Variants in SCP2 observed in about 807,000 individuals in gnomAD.
The protein encoded by SCP2 is sterol carrier protein 2.
A neutral mutation model predicts 71.4 loss-of-function variants in SCP2; 48 were observed. That is an observed-to-expected ratio of 0.67 (90% CI 0.53 to 0.86). The LOEUF (loss-of-function observed/expected upper bound fraction) is 0.86, where lower values mean the gene tolerates loss of function less well. Ranked by LOEUF, SCP2 falls within the 40% of genes least tolerant of loss-of-function variation. The pLI is 0.00. For missense variants in SCP2, 560 were observed against 655.6 expected (o/e 0.85, Z 1.59); for synonymous variants, 220 against 218.1 (o/e 1.01, Z -0.08).
At chr1:52,993,754 G>C (rs1031515896) in intron 11 of SCP2, 1 of 1,597,906 alleles carries the variant, frequency 6.3e-7, no homozygotes, top group African/African-American at 1.3e-5. Flanking sequence ...ACTCCTGCAT[G>C]CCTCCTCAAT....
chr1:53,012,037 G>C (rs1428006911), intron 11 of SCP2, among the ~76,000 whole-genome samples: 2 of 152,052 alleles, frequency 1.3e-5, no homozygotes, highest in Admixed American at 1.3e-4. Context: ...CTTCCTCAAG[G>C]CAGATCATGA....
At chr1:52,945,732 T>C (rs1654720926) in intron 2 of SCP2, among the ~76,000 whole-genome samples, 1 of 151,846 alleles carries the variant, frequency 6.6e-6, no homozygotes, top group African/African-American at 2.4e-5. Flanking sequence ...AAAGAATGTT[T>C]AAGTTGTGCA....
At chr1:53,029,286 CAG>C (rs1452577438) in intron 13 of SCP2, among the ~76,000 whole-genome samples, 5 of 137,316 alleles carry the variant, frequency 3.6e-5, no homozygotes, top group African/African-American at 1.4e-4. Context: ...TTTTTTGAAA[CAG>C]AGTCTCACTT....
chr1:53,037,902 A>ACACACACACACACC (rs969906190), intron 13 of SCP2, among the ~76,000 whole-genome samples: 2 of 108,422 alleles, frequency 1.8e-5, no homozygotes, highest in African/African-American at 9.3e-5. Flanking sequence ...ACACACACAC[A>ACACACACACACACC]CACACACACA....
At chr1:52,946,711 T>C (rs1017924517) in intron 2 of SCP2, among the ~76,000 whole-genome samples, 3 of 151,450 alleles carry the variant, frequency 2.0e-5, no homozygotes, top group Admixed American at 1.3e-4. Context: ...TTGATTATTA[T>C]AATTAGTATC....
intron 5 of SCP2, among the ~76,000 whole-genome samples, chr1:52,960,496 G>A (rs1287370946): frequency 7.5e-6 from 1 of 132,766 alleles, no homozygotes; most frequent in Admixed American, 7.3e-5. Flanking sequence ...GTGTGTGTGT[G>A]TGTGTGTGTG....
chr1:52,975,885 G>A (rs146433665), intron 7 of SCP2, among the ~76,000 whole-genome samples: 368 of 152,206 alleles, frequency 2.4e-3, no homozygotes, highest in Non-Finnish European at 4.2e-3. Flanking sequence ...CTGCTCATAC[G>A]TCAGACATTA....
rs140627726 is a variant in SCP2, at chr1:53,029,951, C to T, written c.1338+1880C>T. Among the ~76,000 whole-genome samples the T allele has an allele frequency of 1.7e-3, 253 of 151,898 alleles. 1 individual carries two copies. Among genetic ancestry groups the T allele is most frequent in the Admixed American group, 2.8e-3 (43 of 15,256 alleles). ...TCACCCAGGCTGGAGTGCAGTGGCG[C>T]GATCTTGGCTCACTGCAACCTCCAC... On this transcript the variant is annotated intron_variant, in intron 13 of 15. Coordinates refer to ENST00000371514, the MANE Select transcript of SCP2 (RefSeq NM_002979.5).
intron 5 of SCP2, among the ~76,000 whole-genome samples, chr1:52,959,565 T>C (rs943247814): frequency 6.6e-6 from 1 of 152,092 alleles, no homozygotes; most frequent in Non-Finnish European, 1.5e-5. Context: ...GTGATTTCTT[T>C]ATGGGAAAGT....
chr1:52,955,701 C>T (rs1655736017), intron 5 of SCP2, among the ~76,000 whole-genome samples: 1 of 152,138 alleles, frequency 6.6e-6, no homozygotes, highest in Admixed American at 6.5e-5. Context: ...AAATTTTCTT[C>T]TGGAGGAAAG....
At chr1:53,004,653 A>T (rs1424205221) in intron 11 of SCP2, among the ~76,000 whole-genome samples, 1 of 152,102 alleles carries the variant, frequency 6.6e-6, no homozygotes, top group Non-Finnish European at 1.5e-5. Flanking sequence ...CCCTGCCTTT[A>T]AGAAGGTTCC....
intron 5 of SCP2, among the ~76,000 whole-genome samples, chr1:52,956,747 T>C (rs1208047811): frequency 2.0e-5 from 3 of 152,126 alleles, no homozygotes; most frequent in Admixed American, 6.5e-5. Context: ...ATAATGTTTA[T>C]GATACATGAA....
intron 10 of SCP2, among the ~76,000 whole-genome samples, chr1:52,984,348 A>G (rs1658778324): frequency 6.6e-6 from 1 of 152,102 alleles, no homozygotes; most frequent in African/African-American, 2.4e-5. Flanking sequence ...GACTTGCTCT[A>G]TAATCCCCCT....
At chr1:52,964,214 CTTTTTTTTT>C (rs200065864) in intron 6 of SCP2, among the ~76,000 whole-genome samples, 1 of 134,686 alleles carries the variant, frequency 7.4e-6, no homozygotes, top group Admixed American at 7.5e-5. Flanking sequence ...TCTTTTCTCT[CTTTTTTTTT>C]TTTTTTTTGA....
intron 6 of SCP2, among the ~76,000 whole-genome samples, chr1:52,967,022 T>C (rs1477678965): frequency 1.3e-5 from 2 of 151,736 alleles, no homozygotes; most frequent in Non-Finnish European, 2.9e-5. Flanking sequence ...ACCCTGTCTC[T>C]ACTAAGAATA....
chr1:52,985,538 C>T (rs1031653818), intron 10 of SCP2, among the ~76,000 whole-genome samples: 3 of 152,178 alleles, frequency 2.0e-5, no homozygotes, highest in South Asian at 2.1e-4. Flanking sequence ...TGGCTGGTCC[C>T]GTGCTTCTGC....
intron 12 of SCP2, among the ~76,000 whole-genome samples, chr1:53,016,148 C>T (rs1034120854): frequency 6.6e-6 from 1 of 152,042 alleles, no homozygotes; most frequent in Admixed American, 6.6e-5. Context: ...CTATGTTATT[C>T]TTCTGTAAGC....
intron 12 of SCP2, among the ~76,000 whole-genome samples, chr1:53,026,646 A>C (rs1376492032): frequency 2.0e-5 from 3 of 152,184 alleles, no homozygotes; most frequent in Non-Finnish European, 4.4e-5. Flanking sequence ...CTGTCTCTAC[A>C]AAAAATTTGA....
chr1:53,010,005 C>CAG (rs1228209434), intron 11 of SCP2, among the ~76,000 whole-genome samples: 2 of 152,192 alleles, frequency 1.3e-5, no homozygotes, highest in Non-Finnish European at 2.9e-5. Flanking sequence ...GATATTTATG[C>CAG]AGCCAACAGA....
Sources: allele counts gnomAD v4.1 joint callset (sites outside exome capture counted in the v4.1 genomes callset), GRCh38; gene constraint gnomAD v4.1.1; transcripts MANE v1.5; gene names NCBI Gene and HGNC (gene_info 2026-07-23, HGNC 2026-07-21).